TBC1D1: variants seen among roughly 807,000 people sequenced by gnomAD.
TBC1D1 encodes TBC1 (tre-2/USP6, BUB2, cdc16) domain family, member 1.
A neutral mutation model predicts 125.6 loss-of-function variants in TBC1D1; 89 were observed. The ratio of observed to expected loss-of-function variants is 0.71; its 90% CI spans 0.60 to 0.85. The LOEUF is 0.85. Ranked by LOEUF, TBC1D1 falls within the 40% of genes least tolerant of loss-of-function variation. The pLI is 0.00. For missense variants in TBC1D1, 1,377 were observed against 1,469.2 expected (o/e 0.94, Z 1.03); for synonymous variants, 565 against 564.1 (o/e 1.00, Z -0.02).
intron 17 of TBC1D1, among the ~76,000 whole-genome samples, chr4:38,122,358 C>G (rs1331400061): frequency 6.6e-6 from 1 of 152,222 alleles, no homozygotes; most frequent in Non-Finnish European, 1.5e-5. Context: ...GGGGCAGAGG[C>G]CCCTGGTGAT....
intron 17 of TBC1D1, chr4:38,118,619 TCTC>T: frequency 6.3e-6 from 1 of 158,904 alleles, no homozygotes; most frequent in Non-Finnish European, 1.4e-5. Context: ...TCCTCCCCTT[TCTC>T]TTCTTGCCCT....
Position 38,027,767 on chromosome 4 carries a change from C to T in TBC1D1, c.1211-21C>T, listed in dbSNP as rs376095745. The stretch of plus-strand genomic sequence containing the variant: ...ACTTTTATATAGAATTTTTTCATGC[C>T]TCTCTTTTTTCTCTTAATAGGAATG... On this transcript the variant is annotated intron_variant, in intron 6 of 19. Coordinates refer to ENST00000261439, the MANE Select transcript of TBC1D1 (RefSeq NM_015173.4). 33 of 1,575,340 alleles carry T rather than the reference C, an allele frequency of 2.1e-5. No homozygotes were observed. In the African/African-American group the frequency reaches 4.1e-4, roughly 20 times the overall value.
rs1352859977 is a variant in TBC1D1, at chr4:38,014,971, A to T, written c.880A>T (p.Thr294Ser). 1 of 1,529,646 alleles carries T rather than the reference A, an allele frequency of 6.5e-7. No homozygotes were observed. Among genetic ancestry groups the T allele is most frequent in the Non-Finnish European group, 8.8e-7 (1 of 1,136,126 alleles). The allele number at this position is 1,529,646 out of a possible 1,614,324, so 94.8% of individuals were successfully genotyped here. A position where few individuals can be genotyped will look rare whatever the true frequency, so the allele number is the denominator to read the frequency against. ...CGAGGAAAATCGAACTATGCTCTTCACGGTAAAATATCACCCAGCTCGTGC... is the reference window on the plus strand; with the variant it reads ...CGAGGAAAATCGAACTATGCTCTTCTCGGTAAAATATCACCCAGCTCGTGC... The change falls in exon 3 of 20, where the codon ACG becomes TCG. Residue 294 changes from threonine (T) to serine (S), a missense_variant and splice_region_variant. By Grantham distance (58) the Thr-to-Ser change is moderately conservative. Transcript: ENST00000261439. The surrounding 1 kb of genome is among the most constrained non-coding windows in gnomAD (Gnocchi z 5.1).
At chr4:38,077,292 A>G (rs546922277) in intron 12 of TBC1D1, among the ~76,000 whole-genome samples, 5 of 152,366 alleles carry the variant, frequency 3.3e-5, no homozygotes, top group African/African-American at 1.2e-4. Flanking sequence ...AAGTCTTGTA[A>G]GGAAGACAGC....
chr4:38,038,814 C>T (rs1053308990), intron 8 of TBC1D1, among the ~76,000 whole-genome samples: 10 of 151,858 alleles, frequency 6.6e-5, no homozygotes, highest in South Asian at 2.1e-4. Flanking sequence ...GGTGTGGTGG[C>T]GGGTGCCTGT....
chr4:37,915,606 G>A (rs1183492177), intron 2 of TBC1D1, among the ~76,000 whole-genome samples: 1 of 152,176 alleles, frequency 6.6e-6, no homozygotes, highest in Admixed American at 6.5e-5. Flanking sequence ...GCCTGCTAAT[G>A]CTAATCTCTT....
At position 38,103,008 on chromosome 4, in the gene TBC1D1, G is replaced by A. The variant is rs144365137; in HGVS notation, c.2408G>A (p.Arg803His). Residue 803 changes from arginine (R) to histidine (H), a missense_variant, in exon 15 of 20, where the codon CGT becomes CAT. Coordinates refer to ENST00000261439, the MANE Select transcript of TBC1D1 (RefSeq NM_015173.4). ...TCTCTCCCTTTTAAAGGTGTGCCACGTCATCACCGAGGTGAAATCTGGAAA... is the reference window on the plus strand; with the variant it reads ...TCTCTCCCTTTTAAAGGTGTGCCACATCATCACCGAGGTGAAATCTGGAAA... The A allele has an allele frequency of 1.0e-4, 165 of 1,613,526 alleles. No homozygotes were observed. Among genetic ancestry groups the A allele is most frequent in the African/African-American group, 1.7e-4 (13 of 74,842 alleles).
At chr4:38,021,450 A>G in intron 5 of TBC1D1, 136 bp from the exon 6 acceptor site, 1 of 641,484 alleles carries the variant, frequency 1.6e-6, no homozygotes, top group East Asian at 3.4e-5. Context: ...TCCAATTATT[A>G]TCTGTCAACC....
chr4:37,956,458 G>A (rs1387714471), intron 2 of TBC1D1, among the ~76,000 whole-genome samples: 1 of 152,214 alleles, frequency 6.6e-6, no homozygotes, highest in East Asian at 1.9e-4. Flanking sequence ...AGACTAGACA[G>A]TACCTGGCCC....
At chr4:37,962,233 TC>T (rs1168394048) in intron 2 of TBC1D1, among the ~76,000 whole-genome samples, 1 of 152,172 alleles carries the variant, frequency 6.6e-6, no homozygotes, top group African/African-American at 2.4e-5. Flanking sequence ...GGGCATAAGC[TC>T]CTACCCAGCC....
At chr4:38,059,674 C>T (rs1029587577) in intron 12 of TBC1D1, among the ~76,000 whole-genome samples, 1 of 152,168 alleles carries the variant, frequency 6.6e-6, no homozygotes, top group African/African-American at 2.4e-5. Flanking sequence ...GTGGCGTTAG[C>T]GAAGCTACTG....
chr4:37,977,741 C>A lies in TBC1D1; in HGVS notation c.418-36768C>A, dbSNP rs1412157226. Among the ~76,000 whole-genome samples, 1 of 152,122 alleles carries A rather than the reference C, an allele frequency of 6.6e-6. No homozygotes were observed. The highest frequency in any genetic ancestry group is 2.4e-5 in the African/African-American group (1 of 41,438). ...GGGAGGACGGGCGAGGTAGCGGCGC[C>A]CATTTCACAGTTGGGGAGACTGAGG... On this transcript the variant is annotated intron_variant, in intron 2 of 19. Coordinates refer to ENST00000261439, the MANE Select transcript of TBC1D1 (RefSeq NM_015173.4). This position sits in a 1 kb window ranked among gnomAD's most constrained non-coding sequence, Gnocchi z 4.3.
intron 2 of TBC1D1, among the ~76,000 whole-genome samples, chr4:38,003,068 T>C (rs965641883): frequency 2.0e-5 from 3 of 152,222 alleles, no homozygotes; most frequent in African/African-American, 7.2e-5. Context: ...TTCTATTCTG[T>C]TTCTTTGTTT....
intron 18 of TBC1D1, among the ~76,000 whole-genome samples, chr4:38,132,445 T>TC (rs2152636452): frequency 6.6e-6 from 1 of 152,334 alleles, no homozygotes; most frequent in African/African-American, 2.4e-5. Context: ...GAGTTGTTTT[T>TC]CACACGTGTG....
chr4:37,918,904 A>G (rs940618411), intron 2 of TBC1D1, among the ~76,000 whole-genome samples: 3 of 152,214 alleles, frequency 2.0e-5, no homozygotes, highest in Admixed American at 2.0e-4. Flanking sequence ...TCTAGTATGT[A>G]TAACATTATG....
chr4:37,948,585 C>T (rs188034982), intron 2 of TBC1D1, among the ~76,000 whole-genome samples: 1 of 151,734 alleles, frequency 6.6e-6, no homozygotes, highest in East Asian at 1.9e-4. Context: ...CGAGATCTCA[C>T]CCACTGCACT....
At chr4:37,925,659 G>T (rs1343567000) in intron 2 of TBC1D1, among the ~76,000 whole-genome samples, 3 of 145,528 alleles carry the variant, frequency 2.1e-5, no homozygotes, top group African/African-American at 7.6e-5. Flanking sequence ...TTCCAGCCTG[G>T]TGATAGAGCG....
rs1742180523 is a variant in TBC1D1, at chr4:38,014,429, C to T, written c.418-80C>T. On this transcript the variant is annotated intron_variant, in intron 2 of 19. Transcript: ENST00000261439. This position sits in a 1 kb window ranked among gnomAD's most constrained non-coding sequence, Gnocchi z 5.1. ...GCAGTGGAGTAGCCAGCGGGGCGTCCCGAAAGAGCATGGTGCATTCATTCC... is the reference window on the plus strand; with the variant it reads ...GCAGTGGAGTAGCCAGCGGGGCGTCTCGAAAGAGCATGGTGCATTCATTCC... The T allele has an allele frequency of 7.0e-7, 1 of 1,435,536 alleles. No individual in the cohort carries two copies. The allele number at this position is 1,435,536 out of a possible 1,614,324, so 88.9% of individuals were successfully genotyped here.
chr4:38,038,849 G>C (rs1466846793), intron 8 of TBC1D1, among the ~76,000 whole-genome samples: 1 of 151,754 alleles, frequency 6.6e-6, no homozygotes, highest in Non-Finnish European at 1.5e-5. Context: ...GGGAGGCTGA[G>C]GCAGGAGAAT....
Sources: gnomAD v4.1 joint callset for allele counts (sites outside exome capture counted in the v4.1 genomes callset) on GRCh38, gnomAD v4.1.1 for gene constraint, Gnocchi (gnomAD v3.1) non-coding constraint, MANE v1.5 for transcripts, NCBI Gene and HGNC (gene_info 2026-07-23, HGNC 2026-07-21) for gene names.